The following SLC27A6 variants were observed in gnomAD, a reference collection of about 807,000 sequenced individuals.
SLC27A6 encodes the protein long-chain fatty acid transport protein 6.
In SLC27A6, 74 loss-of-function variants were observed where a neutral mutation model predicts 63.9. The ratio of observed to expected loss-of-function variants is 1.16; its 90% CI spans 0.96 to 1.40. The LOEUF (loss-of-function observed/expected upper bound fraction) is 1.40, where lower values mean the gene tolerates loss of function less well. Ranked by LOEUF, SLC27A6 falls within the 40% of genes most tolerant of loss-of-function variation. SLC27A6 has a pLI of 0.00. For missense variants in SLC27A6, 794 were observed against 732.9 expected, an observed-to-expected ratio of 1.08 and a Z score of -0.96; for synonymous variants, 287 against 260.8, an observed-to-expected ratio of 1.10 and a Z score of -0.97.
intron 5 of SLC27A6, among the ~76,000 whole-genome samples, chr5:129,017,738 T>C (rs4836432): frequency 0.096 from 14,537 of 152,172 alleles, 1,526 homozygotes; most frequent in East Asian, 0.52. Flanking sequence ...ATCAATAAAC[T>C]TGAAATTATT....
intron 9 of SLC27A6, 72 bp from the exon 10 acceptor site, chr5:129,033,034 T>C (rs1373810929): frequency 2.2e-6 from 2 of 900,524 alleles, no homozygotes; most frequent in South Asian, 2.2e-5. Flanking sequence ...TATTACAGTC[T>C]ATAGTATTAA....
At chr5:129,019,518 C>T (rs559969250) in intron 5 of SLC27A6, among the ~76,000 whole-genome samples, 20 of 151,352 alleles carry the variant, frequency 1.3e-4, no homozygotes, top group Admixed American at 7.9e-4. Context: ...TTCCCCAAAA[C>T]GACCAGGAAA....
chr5:129,020,512 A>C (rs1389883003), intron 5 of SLC27A6, among the ~76,000 whole-genome samples: 2 of 152,162 alleles, frequency 1.3e-5, no homozygotes, highest in Non-Finnish European at 2.9e-5. Context: ...GGAAAGGAAG[A>C]AATGGTTATT....
At chr5:129,010,904 A>G (rs1051317761) in intron 4 of SLC27A6, among the ~76,000 whole-genome samples, 1 of 152,150 alleles carries the variant, frequency 6.6e-6, no homozygotes, top group African/African-American at 2.4e-5. Context: ...GTTGATGTGG[A>G]CTTTTGACCT....
At chr5:128,998,456 C>T (rs1751231322) in intron 4 of SLC27A6, among the ~76,000 whole-genome samples, 2 of 151,656 alleles carry the variant, frequency 1.3e-5, no homozygotes, top group Non-Finnish European at 2.9e-5. Flanking sequence ...ATAAAAATTA[C>T]ATAATACTGA....
At chr5:128,983,054 T>C (rs977947363) in intron 1 of SLC27A6, among the ~76,000 whole-genome samples, 21 of 152,116 alleles carry the variant, frequency 1.4e-4, no homozygotes, top group African/African-American at 5.1e-4. Flanking sequence ...TTTCCCCCAA[T>C]GTATTTCATT....
chr5:129,018,924 C>T (rs761612251), intron 5 of SLC27A6, among the ~76,000 whole-genome samples: 3 of 151,952 alleles, frequency 2.0e-5, no homozygotes, highest in Non-Finnish European at 4.4e-5. Flanking sequence ...TCATTTTATT[C>T]ACATGTTGTT....
At chr5:128,975,046 T>G (rs573930550) in intron 1 of SLC27A6, among the ~76,000 whole-genome samples, 1 of 152,326 alleles carries the variant, frequency 6.6e-6, no homozygotes, top group South Asian at 2.1e-4. Flanking sequence ...ACAAGGATAC[T>G]TTTCTTAGAA....
chr5:129,004,810 C>T (rs1580729800), intron 4 of SLC27A6, among the ~76,000 whole-genome samples: 1 of 152,170 alleles, frequency 6.6e-6, no homozygotes, highest in Non-Finnish European at 1.5e-5. Flanking sequence ...ATATAATTAA[C>T]AACCATCAGG....
In SLC27A6 at chr5:129,033,435, T is replaced by C; in HGVS notation, c.*153T>C. On this transcript the variant is annotated 3_prime_UTR_variant, in exon 10 of 10. Transcript: ENST00000262462. Reference sequence around the variant, plus strand: ...GATAATTTTTTAATTGCATAAGAATTTTAATTTCTTTTAATTGATATAAAC... The same window carrying C: ...GATAATTTTTTAATTGCATAAGAATCTTAATTTCTTTTAATTGATATAAAC... 2.4e-6 allele frequency: 1 copy of C among 416,562 alleles called. No homozygotes were observed. The highest frequency in any genetic ancestry group is 4.3e-6 in the Non-Finnish European group (1 of 234,144). The allele number at this position is 416,562 out of a possible 1,614,324, so 25.8% of individuals were successfully genotyped here.
Position 129,033,448 on chromosome 5 carries a change from AATTG to A in SLC27A6, c.*169_*172del. 1 of 410,036 alleles carries A rather than the reference AATTG, an allele frequency of 2.4e-6. No individual in the cohort carries two copies. Among genetic ancestry groups the A allele is most frequent in the Non-Finnish European group, 4.3e-6 (1 of 230,384 alleles). 25.4% of individuals were successfully genotyped at this position (410,036 alleles called of 1,614,324 possible). ...TTGCATAAGAATTTTAATTTCTTTT[AATTG>A]ATATAAACAGTAGTTGATTATTCTT... On this transcript the variant is annotated 3_prime_UTR_variant, in exon 10 of 10. Coordinates refer to ENST00000262462, the MANE Select transcript of SLC27A6 (RefSeq NM_001017372.3).
At chr5:128,997,008 C>G (rs142789731) in intron 4 of SLC27A6, among the ~76,000 whole-genome samples, 2 of 152,180 alleles carry the variant, frequency 1.3e-5, no homozygotes, top group East Asian at 1.9e-4. Context: ...AAAATATTCT[C>G]TCATCACATT....
chr5:128,968,955 G>C (rs934555484), intron 1 of SLC27A6, among the ~76,000 whole-genome samples: 1 of 152,186 alleles, frequency 6.6e-6, no homozygotes, highest in African/African-American at 2.4e-5. Flanking sequence ...GTGTAAGGAA[G>C]GTATCCAGTT....
chr5:128,981,320 A>G (rs1265459050), intron 1 of SLC27A6, among the ~76,000 whole-genome samples: 1 of 152,062 alleles, frequency 6.6e-6, no homozygotes, highest in Non-Finnish European at 1.5e-5. Flanking sequence ...GTCTCTACTA[A>G]AAATACAAAA....
chr5:129,023,858 A>G, intron 6 of SLC27A6, 148 bp downstream of exon 6: 2 of 621,062 alleles, frequency 3.2e-6, no homozygotes, highest in Non-Finnish European at 5.7e-6. Flanking sequence ...AAAATGATAC[A>G]GTATTTGCCT....
At chr5:129,002,151 C>T (rs1053221467) in intron 4 of SLC27A6, among the ~76,000 whole-genome samples, 1 of 152,130 alleles carries the variant, frequency 6.6e-6, no homozygotes, top group African/African-American at 2.4e-5. Flanking sequence ...GGCCACTAAG[C>T]AAGTTCTCTT....
chr5:128,995,323 CTCATTCAT>C (rs577300886), intron 4 of SLC27A6, among the ~76,000 whole-genome samples: 2 of 152,148 alleles, frequency 1.3e-5, no homozygotes, highest in African/African-American at 4.8e-5. Context: ...TATTCATTTC[CTCATTCAT>C]TCATTCATTC....
chr5:129,002,875 G>T (rs529622065), intron 4 of SLC27A6, among the ~76,000 whole-genome samples: 1 of 152,066 alleles, frequency 6.6e-6, no homozygotes, highest in African/African-American at 2.4e-5. Context: ...TCTTTGTTTC[G>T]CCTGACCTGG....
intron 4 of SLC27A6, among the ~76,000 whole-genome samples, chr5:128,993,174 GCA>G (rs147272485): frequency 0.13 from 20,408 of 152,152 alleles, 1,663 homozygotes; most frequent in Middle Eastern, 0.21. Flanking sequence ...TATGCCTGTT[GCA>G]CAGTGTCTGT....
Sources: allele counts gnomAD v4.1 joint callset (sites outside exome capture counted in the v4.1 genomes callset), GRCh38; gene constraint gnomAD v4.1.1; transcripts MANE v1.5; gene names NCBI Gene and HGNC (gene_info 2026-07-23, HGNC 2026-07-21).